Variants in SFI1 observed in about 807,000 individuals in gnomAD.
The protein encoded by SFI1 is SFI1 centrin binding protein, also known as protein SFI1 homolog.
A neutral mutation model predicts 207.5 loss-of-function variants in SFI1; 195 were observed. The observed-to-expected ratio is 0.94, with a 90% CI of 0.84 to 1.06. The LOEUF is 1.06. Among genes scored for constraint, SFI1 ranks in the 50% least tolerant of loss-of-function variants. The pLI is 0.00. For missense variants in SFI1, 1,634 were observed against 1,588.0 expected, an observed-to-expected ratio of 1.03 and a Z score of -0.49; for synonymous variants, 630 against 598.9, an observed-to-expected ratio of 1.05 and a Z score of -0.76.
chr22:31,537,239 A>G (rs1396887677), intron 4 of SFI1, among the ~76,000 whole-genome samples: 2 of 152,152 alleles, frequency 1.3e-5, no homozygotes, highest in Non-Finnish European at 2.9e-5. Flanking sequence ...AGGTGGGGGT[A>G]AGGGTGGCGT....
chr22:31,612,987 C>G, intron 24 of SFI1, 155 bp from the exon 25 acceptor site: 1 of 705,918 alleles, frequency 1.4e-6, no homozygotes, highest in Non-Finnish European at 2.3e-6. Flanking sequence ...TGTTGAGCAT[C>G]TCACCGCCAG....
chr22:31,568,159 A>C lies in SFI1; in HGVS notation c.766-4899A>C, dbSNP rs1159861452. Among the ~76,000 whole-genome samples the C allele has an allele frequency of 2.2e-4, 22 of 100,768 alleles. No homozygotes were observed. In the South Asian group the frequency reaches 2.8e-3, roughly 13 times the overall value. The allele number at this position is 100,768 out of a possible 152,430, so 66.1% of individuals were successfully genotyped here. On this transcript the variant is annotated intron_variant, in intron 8 of 32. Coordinates refer to ENST00000400288, the MANE Select transcript of SFI1 (RefSeq NM_001007467.3). The stretch of plus-strand genomic sequence containing the variant: ...CAATATGGACTCTCTCTCTCTCTAT[A>C]TATATATGTGTGTGTGTGTGTGTGT...
intron 4 of SFI1, among the ~76,000 whole-genome samples, chr22:31,540,386 A>G (rs1745814933): frequency 6.6e-6 from 1 of 151,364 alleles, no homozygotes; most frequent in Non-Finnish European, 1.5e-5. Flanking sequence ...GGTTCAAGCA[A>G]TTCTTCTGCC....
chr22:31,584,776 A>G (rs1489512221), intron 13 of SFI1, among the ~76,000 whole-genome samples: 1 of 152,130 alleles, frequency 6.6e-6, no homozygotes, highest in African/African-American at 2.4e-5. Flanking sequence ...AAAGTTCAGG[A>G]TATCTAGGGG....
intron 2 of SFI1, among the ~76,000 whole-genome samples, chr22:31,509,528 C>T (rs1015781048): frequency 2.0e-5 from 3 of 152,184 alleles, no homozygotes; most frequent in African/African-American, 4.8e-5. Flanking sequence ...GCTTCTCCTA[C>T]CTTCTGCCTG....
chr22:31,499,865 G>A (rs1041828717), intron 1 of SFI1, among the ~76,000 whole-genome samples: 2 of 151,292 alleles, frequency 1.3e-5, no homozygotes, highest in Non-Finnish European at 2.9e-5. Context: ...GTATGCGCCT[G>A]TAGTCCCAGC....
chr22:31,613,994 T>C, intron 27 of SFI1, 139 bp downstream of exon 27: 4 of 1,177,830 alleles, frequency 3.4e-6, no homozygotes, highest in Non-Finnish European at 4.6e-6. Flanking sequence ...GGGAACCCCC[T>C]CTTCTCCAGC....
chr22:31,556,423 C>T (rs573615145), intron 6 of SFI1, among the ~76,000 whole-genome samples: 3 of 152,048 alleles, frequency 2.0e-5, no homozygotes, highest in Admixed American at 6.6e-5. Context: ...GGTTTCACCA[C>T]GTTGGTCAGG....
chr22:31,590,932 T>C (rs956521441), intron 15 of SFI1, among the ~76,000 whole-genome samples: 10 of 151,290 alleles, frequency 6.6e-5, no homozygotes, highest in African/African-American at 2.4e-4. Flanking sequence ...CTGGCTTTTC[T>C]ATATTCCAAC....
At chr22:31,567,876 A>G (rs776737216) in intron 8 of SFI1, among the ~76,000 whole-genome samples, 9 of 152,188 alleles carry the variant, frequency 5.9e-5, no homozygotes, top group Non-Finnish European at 1.0e-4. Context: ...TTTAAAATAC[A>G]ATATTTTGAC....
rs1034555715 is a variant in SFI1 at position 31,580,794 on chromosome 22, C to T, written c.1248+430C>T. ...CTGACTTCAGATGATCCACCCGCCTCAGCCTCCCAAAGTGCTGGGATTACA... is the reference window on the plus strand; with the variant it reads ...CTGACTTCAGATGATCCACCCGCCTTAGCCTCCCAAAGTGCTGGGATTACA... On this transcript the variant is annotated intron_variant, in intron 12 of 32. Transcript: ENST00000400288. 3.3e-5 allele frequency among the ~76,000 whole-genome samples: 5 copies of T among 152,096 alleles called. No individual in the cohort carries two copies. In the East Asian group the frequency reaches 9.6e-4, roughly 29 times the overall value.
chr22:31,545,833 C>T (rs1278508903), intron 4 of SFI1, among the ~76,000 whole-genome samples: 1 of 149,288 alleles, frequency 6.7e-6, no homozygotes, highest in Non-Finnish European at 1.5e-5. Context: ...CCTGCCTCGG[C>T]CTCCCAAAGT....
intron 15 of SFI1, among the ~76,000 whole-genome samples, chr22:31,600,376 T>G (rs192830710): frequency 2.0e-3 from 309 of 152,304 alleles, no homozygotes; most frequent in Middle Eastern, 0.017. Flanking sequence ...GTTTTTATAC[T>G]AAGGTCAACT....
rs556368790 is a variant in SFI1 at position 31,611,228 on chromosome 22, A to C, written c.2340A>C (p.Gln780His). Residue 780 changes from glutamine (Q) to histidine (H), a missense_variant, in exon 23 of 33, where the codon CAA (glutamine) becomes CAC (histidine). Physicochemically the swap from Gln to His is conservative, Grantham distance 24. Coordinates refer to ENST00000400288, the MANE Select transcript of SFI1 (RefSeq NM_001007467.3). The stretch of plus-strand genomic sequence containing the variant: ...GACTGCAGCTGGAGAGGGCAGTGCA[A>C]CACCACCACCGGCAGCTGCTGCTGG... ...QQRLQLERAV[Q>H]HHHRQLLLEG... is the part of the protein sequence containing the mutation. 5.3e-5 allele frequency: 86 copies of C among 1,613,752 alleles called. No individual in the cohort carries two copies. The East Asian group carries it at 1.7e-3, about 31-fold the overall frequency.
chr22:31,496,893 C>A (rs2052746449), intron 1 of SFI1, among the ~76,000 whole-genome samples: 1 of 152,262 alleles, frequency 6.6e-6, no homozygotes, highest in Non-Finnish European at 1.5e-5. Flanking sequence ...GGCTTCTTGT[C>A]TTCCGCCCTG....
chr22:31,502,270 A>G (rs1041763445), intron 1 of SFI1, among the ~76,000 whole-genome samples: 1 of 152,250 alleles, frequency 6.6e-6, no homozygotes, highest in East Asian at 1.9e-4. Context: ...TGGTCTCCTT[A>G]TACATCATTT....
At chr22:31,553,043 A>G (rs1258289598) in intron 6 of SFI1, among the ~76,000 whole-genome samples, 2 of 151,922 alleles carry the variant, frequency 1.3e-5, no homozygotes, top group African/African-American at 2.4e-5. Context: ...GGGTCTGGCT[A>G]TGTTGCCCAA....
At chr22:31,609,082 C>T (rs561635400) in intron 22 of SFI1, among the ~76,000 whole-genome samples, 119 of 152,076 alleles carry the variant, frequency 7.8e-4, no homozygotes, top group Admixed American at 2.2e-3. Context: ...ACTGCAACCT[C>T]CACCTCTTGG....
chr22:31,616,794 C>A lies in SFI1; in HGVS notation c.3350C>A (p.Ser1117Tyr). ...AGGGATAAGCCCCCGGTCCCCTCAT[C>A]CCTGGCCAGTGTCCCTGACCCCCAT... Reference protein sequence around the residue: ...TPRDKPPVPSSLASVPDPHLL... With the variant: ...TPRDKPPVPSYLASVPDPHLL... The change falls in exon 30 of 33, where the codon TCC becomes TAC. Residue 1117 changes from serine to tyrosine, a missense_variant. Ser to Tyr is a moderately radical substitution (Grantham distance 144). Coordinates refer to ENST00000400288, the MANE Select transcript of SFI1 (RefSeq NM_001007467.3). 6.2e-7 allele frequency: 1 copy of A among 1,610,502 alleles called. No homozygotes were observed.
Sources: gnomAD v4.1 joint callset for allele counts (sites outside exome capture counted in the v4.1 genomes callset) on GRCh38, gnomAD v4.1.1 for gene constraint, MANE v1.5 for transcripts, NCBI Gene and HGNC (gene_info 2026-07-23, HGNC 2026-07-21) for gene names.